GAK: variants seen among roughly 807,000 people sequenced by gnomAD.
GAK encodes the protein cyclin-G-associated kinase.
A neutral mutation model predicts 143.9 loss-of-function variants in GAK; 79 were observed. The ratio of observed to expected loss-of-function variants is 0.55; its 90% CI spans 0.46 to 0.66. The LOEUF (loss-of-function observed/expected upper bound fraction) is 0.66. Among genes scored for constraint, GAK ranks in the 30% least tolerant of loss-of-function variants. The pLI is 0.00. For synonymous variants in GAK, 881 were observed against 765.5 expected, an observed-to-expected ratio of 1.15 and a Z score of -2.49; for missense variants, 1,693 against 1,779.7, an observed-to-expected ratio of 0.95 and a Z score of 0.88.
chr4:856,711 C>CCACCACAGCTGCT (rs367892788), intron 24 of GAK, among the ~76,000 whole-genome samples: 1 of 149,106 alleles, frequency 6.7e-6, no homozygotes, highest in Non-Finnish European at 1.5e-5. Flanking sequence ...CATTTGCTCA[C>CCACCACAGCTGCT]CACCACAGCT....
At chr4:862,343 T>C (rs1177960381) in intron 23 of GAK, among the ~76,000 whole-genome samples, 1 of 151,964 alleles carries the variant, frequency 6.6e-6, no homozygotes, top group Non-Finnish European at 1.5e-5. Flanking sequence ...TCCATGCAGA[T>C]ATAAGACGGC....
chr4:929,655 C>G (rs1725362423), intron 1 of GAK, among the ~76,000 whole-genome samples: 1 of 151,528 alleles, frequency 6.6e-6, no homozygotes, highest in African/African-American at 2.4e-5. Flanking sequence ...TCAAATCCAT[C>G]CTGAGTAACA....
chr4:907,265 C>T (rs1721250457), intron 4 of GAK, among the ~76,000 whole-genome samples: 2 of 152,246 alleles, frequency 1.3e-5, no homozygotes, highest in Middle Eastern at 3.2e-3. Flanking sequence ...CCCTCCCACT[C>T]CCCCAGCTCT....
chr4:904,845 G>C, intron 4 of GAK, 66 bp from the exon 5 acceptor site: 1 of 1,510,594 alleles, frequency 6.6e-7, no homozygotes, highest in Non-Finnish European at 9.0e-7. Context: ...ACCTAGGGCT[G>C]TTTCACGCGG....
At chr4:883,922 G>A (rs978893091) in intron 12 of GAK, 115 bp downstream of exon 12, 1 of 1,053,174 alleles carries the variant, frequency 9.5e-7, no homozygotes, top group Non-Finnish European at 1.4e-6. Flanking sequence ...CTGTGAGTCT[G>A]TGGCCACAGA....
At chr4:891,478 T>A (rs1349066687) in intron 9 of GAK, among the ~76,000 whole-genome samples, 1 of 152,136 alleles carries the variant, frequency 6.6e-6, no homozygotes, top group African/African-American at 2.4e-5. Context: ...AGTATTTTAT[T>A]TCATTGTGAA....
At chr4:928,390 C>T (rs1318047626) in intron 1 of GAK, among the ~76,000 whole-genome samples, 1 of 152,208 alleles carries the variant, frequency 6.6e-6, no homozygotes, top group Non-Finnish European at 1.5e-5. Context: ...TAAGGCTGGG[C>T]ACATTATCTC....
intron 4 of GAK, among the ~76,000 whole-genome samples, chr4:909,061 A>G (rs548012219): frequency 6.6e-6 from 1 of 152,288 alleles, no homozygotes; most frequent in Admixed American, 6.5e-5. Context: ...TGGCCAGGCT[A>G]GTCTCGAACT....
Position 884,092 on chromosome 4 carries a change from A to G in GAK, c.1206-6T>C. 6.2e-7 allele frequency: 1 copy of G among 1,612,458 alleles called. No individual in the cohort carries two copies. The highest frequency in any genetic ancestry group is 1.1e-5 in the South Asian group (1 of 91,056). On this transcript the variant is annotated splice_polypyrimidine_tract_variant and splice_region_variant and intron_variant, in intron 11 of 27. Transcript: ENST00000314167. Reference sequence around the variant, plus strand: ...CCAGGTCACCCTTTGCATAACTGGAATTAAAAAGAAGAGAACTTGGTTATG... The same window carrying G: ...CCAGGTCACCCTTTGCATAACTGGAGTTAAAAAGAAGAGAACTTGGTTATG...
At chr4:898,822 C>A (rs559040071) in intron 5 of GAK, among the ~76,000 whole-genome samples, 1 of 151,994 alleles carries the variant, frequency 6.6e-6, no homozygotes, top group African/African-American at 2.4e-5. Flanking sequence ...GAGATTGCGC[C>A]GCTGCACTCC....
intron 8 of GAK, 69 bp downstream of exon 8, chr4:893,805 G>A (rs758430598): frequency 3.7e-5 from 55 of 1,485,916 alleles, no homozygotes; most frequent in Non-Finnish European, 4.7e-5. Flanking sequence ...AGGGGAGCGG[G>A]GTCTCCAGAG....
chr4:849,414 A>C lies in GAK; in HGVS notation c.*259T>G, dbSNP rs558071435. The stretch of plus-strand genomic sequence containing the variant: ...TCCAGAGGCCACGCCCGAAACACCA[A>C]ATAAATCACAGACGTGACAATTGCG... On this transcript the variant is annotated 3_prime_UTR_variant, in exon 28 of 28. Transcript: ENST00000314167. 1.9e-6 allele frequency: 1 copy of C among 536,508 alleles called. No individual in the cohort carries two copies. The highest frequency in any genetic ancestry group is 1.9e-5 in the African/African-American group (1 of 52,882). 33.2% of individuals were successfully genotyped at this position (536,508 alleles called of 1,614,324 possible).
chr4:867,930 C>T (rs1751506690), intron 20 of GAK, among the ~76,000 whole-genome samples: 1 of 152,230 alleles, frequency 6.6e-6, no homozygotes, highest in Admixed American at 6.5e-5. Flanking sequence ...CTCTGCGGTG[C>T]CTCAGGCTGA....
At chr4:870,423 G>T (rs1334230269) in intron 19 of GAK, among the ~76,000 whole-genome samples, 2 of 152,200 alleles carry the variant, frequency 1.3e-5, no homozygotes, top group African/African-American at 4.8e-5. Context: ...CACACGCCTG[G>T]GACAAAACCC....
chr4:915,005 G>A (rs1722870570), intron 1 of GAK, among the ~76,000 whole-genome samples: 1 of 85,328 alleles, frequency 1.2e-5, no homozygotes, highest in African/African-American at 4.8e-5. Context: ...AACACACACA[G>A]CCCCAGCGCA....
At chr4:874,561 T>TCATG (rs1713427211) in intron 18 of GAK, among the ~76,000 whole-genome samples, 1 of 152,112 alleles carries the variant, frequency 6.6e-6, no homozygotes, top group Admixed American at 6.5e-5. Flanking sequence ...ACTCTGCAGG[T>TCATG]CATGCATTCC....
intron 23 of GAK, among the ~76,000 whole-genome samples, chr4:864,638 G>A (rs913727424): frequency 2.0e-5 from 3 of 151,912 alleles, no homozygotes; most frequent in African/African-American, 2.4e-5. Flanking sequence ...GGCACGGGGC[G>A]TCGCAAACAC....
chr4:875,057 C>T (rs1346411858), intron 18 of GAK, among the ~76,000 whole-genome samples: 3 of 152,214 alleles, frequency 2.0e-5, no homozygotes, highest in Non-Finnish European at 4.4e-5. Flanking sequence ...TGGTGAAATT[C>T]CCATCATTCC....
intron 23 of GAK, 98 bp downstream of exon 23, chr4:865,024 T>G: frequency 6.8e-7 from 1 of 1,472,846 alleles, no homozygotes; most frequent in Non-Finnish European, 9.1e-7. Flanking sequence ...CTTCCTTCTC[T>G]GCGCAGAGAG....
Sources: gnomAD v4.1 joint callset for allele counts (sites outside exome capture counted in the v4.1 genomes callset) on GRCh38, gnomAD v4.1.1 for gene constraint, MANE v1.5 for transcripts, NCBI Gene and HGNC (gene_info 2026-07-23, HGNC 2026-07-21) for gene names.